The following CSMD2 variants were observed in gnomAD, a reference collection of about 807,000 sequenced individuals.
CSMD2 encodes the protein CUB and sushi domain-containing protein 2.
A neutral mutation model predicts 398.5 loss-of-function variants in CSMD2; 130 were observed. The ratio of observed to expected loss-of-function variants is 0.33; its 90% confidence interval spans 0.28 to 0.38. The LOEUF (loss-of-function observed/expected upper bound fraction) is 0.38, where lower values mean the gene tolerates loss of function less well. CSMD2 is among the 10% of genes least tolerant of loss of function. CSMD2 has a pLI of 1.00. For missense variants in CSMD2, 3,829 were observed against 4,764.9 expected, an observed-to-expected ratio of 0.80 and a Z score of 5.78; for synonymous variants, 1,828 against 1,908.5, an observed-to-expected ratio of 0.96 and a Z score of 1.10.
At chr1:33,737,693 C>A (rs762067564) in intron 15 of CSMD2, among the ~76,000 whole-genome samples, 5 of 152,160 alleles carry the variant, frequency 3.3e-5, no homozygotes, top group Non-Finnish European at 7.3e-5. Context: ...TAGGGAGGCT[C>A]TAGCCTAGTT....
At chr1:33,825,420 T>C (rs1381798187) in intron 7 of CSMD2, among the ~76,000 whole-genome samples, 1 of 152,194 alleles carries the variant, frequency 6.6e-6, no homozygotes, top group Non-Finnish European at 1.5e-5. Flanking sequence ...GAGAGAAATG[T>C]AGCAGTAATG....
intron 22 of CSMD2, among the ~76,000 whole-genome samples, chr1:33,704,438 T>C (rs1284168176): frequency 6.6e-6 from 1 of 152,184 alleles, no homozygotes; most frequent in East Asian, 1.9e-4. Flanking sequence ...TTAAGTATAA[T>C]GTTTGCTATA....
At chr1:33,580,660 T>G in intron 48 of CSMD2, 93 bp downstream of exon 48, 4 of 1,397,028 alleles carry the variant, frequency 2.9e-6, no homozygotes, top group Non-Finnish European at 3.9e-6. Flanking sequence ...GTGAGGCAGA[T>G]TTAGGAGGGG....
intron 33 of CSMD2, among the ~76,000 whole-genome samples, chr1:33,626,185 C>G (rs983029968): frequency 2.6e-5 from 4 of 152,218 alleles, no homozygotes; most frequent in African/African-American, 7.2e-5. Context: ...CTGGGCTGGT[C>G]TCTTCAGTGC....
At chr1:33,971,334 G>C (rs968364552) in intron 3 of CSMD2, among the ~76,000 whole-genome samples, 2 of 152,230 alleles carry the variant, frequency 1.3e-5, no homozygotes, top group African/African-American at 4.8e-5. Flanking sequence ...CAGTGTGGCG[G>C]CTTCATGGAA....
chr1:33,565,385 C>G (rs1254756192), intron 53 of CSMD2, among the ~76,000 whole-genome samples: 1 of 151,848 alleles, frequency 6.6e-6, no homozygotes, highest in Non-Finnish European at 1.5e-5. Flanking sequence ...TTCTGCAAGA[C>G]AAAAGAAAAA....
intron 13 of CSMD2, among the ~76,000 whole-genome samples, chr1:33,749,692 TATA>T (rs1205994160): frequency 6.6e-6 from 1 of 152,182 alleles, no homozygotes; most frequent in African/African-American, 2.4e-5. Flanking sequence ...GATAGGAGGC[TATA>T]ATAACACTAA....
intron 25 of CSMD2, among the ~76,000 whole-genome samples, chr1:33,688,873 T>C (rs963021233): frequency 6.6e-6 from 1 of 152,180 alleles, no homozygotes; most frequent in African/African-American, 2.4e-5. Context: ...TAAAGATATT[T>C]CTAATAAAAA....
Position 33,636,573 on chromosome 1 carries a change from A to G in CSMD2, c.4775-19T>C, listed in dbSNP as rs775637026. The G allele has an allele frequency of 1.9e-6, 3 of 1,609,372 alleles. No individual in the cohort carries two copies. In the Admixed American group the frequency reaches 5.0e-5, roughly 27 times the overall value. ...GGGTTTTCTGGGAAAAAGAAATACA[A>G]ACACGTGCACACACACAGAGGGCTC... On this transcript the variant is annotated intron_variant, in intron 29 of 70. Transcript: ENST00000373381. The surrounding 1 kb of genome is among the most constrained non-coding windows in gnomAD (Gnocchi z 4.8).
chr1:33,611,366 C>T, intron 40 of CSMD2, 116 bp from the exon 41 acceptor site: 2 of 855,146 alleles, frequency 2.3e-6, no homozygotes, highest in South Asian at 1.6e-5. Flanking sequence ...GATTTCCCAC[C>T]CAGCCAAGGC....
At chr1:33,580,128 C>T (rs541334581) in intron 48 of CSMD2, among the ~76,000 whole-genome samples, 1 of 152,312 alleles carries the variant, frequency 6.6e-6, no homozygotes, top group East Asian at 1.9e-4. Flanking sequence ...GCTTGCGGAG[C>T]CCAGTCAGCA....
At chr1:33,749,365 C>T (rs1164343729) in intron 13 of CSMD2, among the ~76,000 whole-genome samples, 3 of 152,098 alleles carry the variant, frequency 2.0e-5, no homozygotes, top group Non-Finnish European at 4.4e-5. Context: ...TCCCAAAGTG[C>T]TGGGATTACA....
At chr1:33,680,241 A>G (rs1420470962) in intron 25 of CSMD2, among the ~76,000 whole-genome samples, 2 of 143,378 alleles carry the variant, frequency 1.4e-5, no homozygotes, top group Non-Finnish European at 3.0e-5. Flanking sequence ...TTTTGTCCCA[A>G]CCTTTTATTT....
intron 1 of CSMD2, among the ~76,000 whole-genome samples, chr1:34,131,987 C>A (rs1424851562): frequency 6.6e-6 from 1 of 152,098 alleles, no homozygotes; most frequent in African/African-American, 2.4e-5. Flanking sequence ...GGATTCCAAC[C>A]TCTCATGGGC....
chr1:33,536,469 C>T (rs188746292), intron 62 of CSMD2, among the ~76,000 whole-genome samples: 1,943 of 152,332 alleles, frequency 0.013, 31 homozygotes, highest in Non-Finnish European at 0.019. Flanking sequence ...ATGATCCACC[C>T]GCCTTGGCTT....
intron 3 of CSMD2, among the ~76,000 whole-genome samples, chr1:34,031,765 C>CAAAAAAAAAAAAAAAAAAA (rs556094322): frequency 1.4e-5 from 1 of 71,256 alleles, no homozygotes; most frequent in East Asian, 4.1e-4. Context: ...AAGGCAAAGG[C>CAAAAAAAAAAAAAAAAAAA]AAAAAAAAAA....
intron 13 of CSMD2, among the ~76,000 whole-genome samples, chr1:33,749,603 T>C (rs913302106): frequency 2.6e-5 from 4 of 151,736 alleles, no homozygotes; most frequent in Admixed American, 6.6e-5. Flanking sequence ...GAAAAAAAAA[T>C]TGGCTTCTGA....
chr1:33,864,817 G>T lies in CSMD2; in HGVS notation c.921-17821C>A, dbSNP rs1639862789. On this transcript the variant is annotated intron_variant, in intron 5 of 70. Transcript: ENST00000373381. ...TTTCCTGTTCCTGGTCTCATGTGTGGCATTAGAGTAGCTGTGACTGATGCT... is the reference window on the plus strand; with the variant it reads ...TTTCCTGTTCCTGGTCTCATGTGTGTCATTAGAGTAGCTGTGACTGATGCT... 2.2e-6 allele frequency: 3 copies of T among 1,368,450 alleles called. No individual in the cohort carries two copies. In the South Asian group the frequency reaches 4.1e-5, roughly 19 times the overall value. The allele number at this position is 1,368,450 out of a possible 1,614,324, so 84.8% of individuals were successfully genotyped here.
At chr1:33,541,467 C>T (rs562001868) in intron 58 of CSMD2, among the ~76,000 whole-genome samples, 158 bp from the exon 59 acceptor site, 92 of 152,240 alleles carry the variant, frequency 6.0e-4, no homozygotes, top group African/African-American at 2.1e-3. Flanking sequence ...ATTACCCATT[C>T]TAAATTTCTT....
Sources: gnomAD v4.1 joint callset for allele counts (sites outside exome capture counted in the v4.1 genomes callset) on GRCh38, gnomAD v4.1.1 for gene constraint, Gnocchi (gnomAD v3.1) non-coding constraint, MANE v1.5 for transcripts, NCBI Gene and HGNC (gene_info 2026-07-23, HGNC 2026-07-21) for gene names.